Variants in RBFOX1 observed in about 807,000 individuals in gnomAD.
The protein encoded by RBFOX1 is RNA binding fox-1 homolog 1.
Under a neutral mutation model 57.7 loss-of-function variants are expected in RBFOX1, and 8 were observed. That is an observed-to-expected ratio of 0.14 (90% confidence interval 0.08 to 0.25). The LOEUF is 0.25. RBFOX1 is among the 10% of genes least tolerant of loss of function. The pLI, the probability that RBFOX1 is intolerant of heterozygous loss-of-function variation, is 1.00. For synonymous variants in RBFOX1, 326 were observed against 222.4 expected (o/e 1.47, Z -4.15); for missense variants, 611 against 548.5 (o/e 1.11, Z -1.14).
At chr16:7,534,602 C>T (rs1486687393) in intron 5 of RBFOX1, among the ~76,000 whole-genome samples, 3 of 152,238 alleles carry the variant, frequency 2.0e-5, no homozygotes, top group South Asian at 4.2e-4. Context: ...GTCGTTAGTG[C>T]GTCTTCTGTT....
Position 5,724,364 on chromosome 16 carries a change from C to T in RBFOX1, c.318+125403C>T, listed in dbSNP as rs191655891. On this transcript the variant is annotated intron_variant, in intron 3 of 19. Coordinates refer to the RBFOX1 transcript ENST00000641259. ...CATTTGGGGAGATTATGCTGGGGCT[C>T]TGTGAGAGCATTCAGGAGCTGCAGG... 2.0e-5 allele frequency among the ~76,000 whole-genome samples: 3 copies of T among 152,186 alleles called. No homozygotes were observed. In the East Asian group the frequency reaches 5.8e-4, roughly 30 times the overall value.
intron 1 of RBFOX1, among the ~76,000 whole-genome samples, chr16:6,131,056 C>G (rs1311048948): frequency 2.6e-5 from 4 of 152,138 alleles, no homozygotes; most frequent in Admixed American, 6.6e-5. Flanking sequence ...GATAGGCATG[C>G]ATACTCTATG....
intron 3 of RBFOX1, among the ~76,000 whole-genome samples, chr16:5,632,222 C>T (rs755169348): frequency 3.9e-5 from 6 of 152,286 alleles, no homozygotes; most frequent in South Asian, 4.1e-4. Flanking sequence ...GTATTAGAGA[C>T]GATGTCATGA....
At chr16:7,448,504 A>T (rs576714377) in intron 4 of RBFOX1, among the ~76,000 whole-genome samples, 114 of 152,272 alleles carry the variant, frequency 7.5e-4, no homozygotes, top group Non-Finnish European at 1.4e-3. Flanking sequence ...CTCTCATAAG[A>T]CTAACTGACT....
At chr16:7,273,816 G>C (rs976438005) in intron 4 of RBFOX1, among the ~76,000 whole-genome samples, 3 of 152,096 alleles carry the variant, frequency 2.0e-5, no homozygotes, top group Admixed American at 2.0e-4. Context: ...TTTTTCCAGG[G>C]CTGGATTGGT....
rs1337558967 is a variant in RBFOX1, at chr16:6,450,873, A to ATATG, written c.-64+133817_-64+133818insATGT. Among the ~76,000 whole-genome samples, 35 of 48,236 alleles carry ATATG rather than the reference A, an allele frequency of 7.3e-4. 5 individuals carry two copies. The highest frequency in any genetic ancestry group is 2.1e-3 in the African/African-American group (26 of 12,654). The allele number at this position is 48,236 out of a possible 152,430, so 31.6% of individuals were successfully genotyped here. ...TATATATATATATATATATATATAT[A>ATATG]TCTCCTCTGAAATATTGATCTTCTC... On this transcript the variant is annotated intron_variant, in intron 2 of 15. Coordinates refer to ENST00000550418, the MANE Select transcript of RBFOX1 (RefSeq NM_018723.4).
intron 1 of RBFOX1, among the ~76,000 whole-genome samples, chr16:5,326,905 C>T (rs1289856027): frequency 6.6e-6 from 1 of 152,164 alleles, no homozygotes; most frequent in Non-Finnish European, 1.5e-5. Context: ...TTCATTAATT[C>T]ATTTGTCCAA....
intron 2 of RBFOX1, among the ~76,000 whole-genome samples, chr16:6,373,030 G>A (rs1320091138): frequency 2.0e-5 from 3 of 151,496 alleles, no homozygotes; most frequent in Non-Finnish European, 4.4e-5. Flanking sequence ...GGGTGGAATG[G>A]AGATTCAGTG....
chr16:6,293,062 A>G (rs1211497970), intron 1 of RBFOX1, among the ~76,000 whole-genome samples: 1 of 152,124 alleles, frequency 6.6e-6, no homozygotes, highest in Non-Finnish European at 1.5e-5. Flanking sequence ...TCCAAGTCTT[A>G]TCTACTCCTC....
intron 3 of RBFOX1, among the ~76,000 whole-genome samples, chr16:6,766,772 A>G (rs1456995507): frequency 6.6e-6 from 1 of 152,104 alleles, no homozygotes; most frequent in Non-Finnish European, 1.5e-5. Context: ...TACACCAGTG[A>G]TGGTCTTCAT....
chr16:6,498,075 C>T (rs186790622), intron 2 of RBFOX1, among the ~76,000 whole-genome samples: 426 of 151,644 alleles, frequency 2.8e-3, no homozygotes, highest in African/African-American at 9.2e-3. Context: ...ATGATGAAAC[C>T]CCGTCTCTAC....
intron 4 of RBFOX1, among the ~76,000 whole-genome samples, chr16:7,190,303 G>A (rs1424281907): frequency 6.6e-6 from 1 of 152,102 alleles, no homozygotes; most frequent in East Asian, 1.9e-4. Context: ...AGGTTGCAGT[G>A]AGCTGAGATC....
chr16:6,258,919 A>G (rs1598902856), intron 1 of RBFOX1, among the ~76,000 whole-genome samples: 2 of 152,228 alleles, frequency 1.3e-5, no homozygotes, highest in East Asian at 1.9e-4. Flanking sequence ...ATTTAAAAAC[A>G]TTTAAATGTT....
intron 2 of RBFOX1, among the ~76,000 whole-genome samples, chr16:5,557,161 G>A (rs913800956): frequency 2.0e-5 from 3 of 152,054 alleles, no homozygotes; most frequent in African/African-American, 7.3e-5. Flanking sequence ...TCAGGAGGCT[G>A]AGGCAGGAAA....
intron 1 of RBFOX1, among the ~76,000 whole-genome samples, chr16:5,417,025 G>A (rs934699491): frequency 6.6e-6 from 1 of 152,178 alleles, no homozygotes; most frequent in African/African-American, 2.4e-5. Context: ...GAGCAAGGAA[G>A]AAGATTCAGT....
At chr16:6,915,202 C>G (rs972947972) in intron 3 of RBFOX1, among the ~76,000 whole-genome samples, 1 of 152,272 alleles carries the variant, frequency 6.6e-6, no homozygotes, top group East Asian at 1.9e-4. Flanking sequence ...TCCCGGAGAC[C>G]CACTCCCTTG....
At chr16:7,295,536 T>C (rs1309837481) in intron 4 of RBFOX1, among the ~76,000 whole-genome samples, 1 of 152,210 alleles carries the variant, frequency 6.6e-6, no homozygotes, top group Admixed American at 6.5e-5. Flanking sequence ...ATCATTATTC[T>C]CCTTAGAATG....
intron 2 of RBFOX1, among the ~76,000 whole-genome samples, chr16:6,520,745 C>T (rs1037406930): frequency 2.6e-5 from 4 of 152,136 alleles, no homozygotes; most frequent in Non-Finnish European, 4.4e-5. Flanking sequence ...GGCTTCGTTT[C>T]GATCAAGTGC....
chr16:5,833,573 A>G (rs547574533), intron 3 of RBFOX1, among the ~76,000 whole-genome samples: 1 of 152,042 alleles, frequency 6.6e-6, no homozygotes, highest in African/African-American at 2.4e-5. Flanking sequence ...GTACCTTTCA[A>G]TTATAAAGGT....
Sources: gnomAD v4.1 joint callset for allele counts (sites outside exome capture counted in the v4.1 genomes callset) on GRCh38, gnomAD v4.1.1 for gene constraint, MANE v1.5 for transcripts, NCBI Gene and HGNC (gene_info 2026-07-23, HGNC 2026-07-21) for gene names.